TBC1D8: variants seen among roughly 807,000 people sequenced by gnomAD.
The protein encoded by TBC1D8 is TBC1 domain family member 8.
A neutral mutation model predicts 118.8 loss-of-function variants in TBC1D8; 65 were observed. The observed-to-expected ratio is 0.55, with a 90% CI of 0.45 to 0.67. The LOEUF (loss-of-function observed/expected upper bound fraction) is 0.67. Ranked by LOEUF, TBC1D8 falls within the 30% of genes least tolerant of loss-of-function variation. TBC1D8 has a pLI of 0.00. For missense variants in TBC1D8, 1,376 were observed against 1,471.2 expected, an observed-to-expected ratio of 0.94 and a Z score of 1.06; for synonymous variants, 566 against 595.8, an observed-to-expected ratio of 0.95 and a Z score of 0.73.
intron 1 of TBC1D8, among the ~76,000 whole-genome samples, chr2:101,127,035 G>A (rs1678385787): frequency 6.6e-6 from 1 of 152,204 alleles, no homozygotes; most frequent in East Asian, 1.9e-4. Flanking sequence ...AGAACAAGCT[G>A]TTAAGAAATT....
At position 101,007,364 on chromosome 2, in the gene TBC1D8, A is replaced by AAAC. The variant is rs1364552958; in HGVS notation, c.*454_*456dup. 1.3e-5 allele frequency: 2 copies of AAAC among 157,892 alleles called. No homozygotes were observed. Among genetic ancestry groups the AAAC allele is most frequent in the Non-Finnish European group, 2.8e-5 (2 of 71,900 alleles). The allele number at this position is 157,892 out of a possible 1,614,324, so 9.8% of individuals were successfully genotyped here. ...AAAATGGTTTCAATTACCAGCATTGAAACAGTGCAAAAAAAAGCCAAATAC... is the reference window on the plus strand; with the variant it reads ...AAAATGGTTTCAATTACCAGCATTGAAACAACAGTGCAAAAAAAAGCCAAATAC... On this transcript the variant is annotated 3_prime_UTR_variant, in exon 20 of 20. Coordinates refer to ENST00000409318, the MANE Select transcript of TBC1D8 (RefSeq NM_001330348.2).
At chr2:101,055,028 A>ATT (rs1682337990) in intron 3 of TBC1D8, among the ~76,000 whole-genome samples, 1 of 152,036 alleles carries the variant, frequency 6.6e-6, no homozygotes, top group Non-Finnish European at 1.5e-5. Context: ...ATGAGGGTAA[A>ATT]AGGACTGGCT....
At chr2:101,144,632 T>C (rs550754898) in intron 1 of TBC1D8, among the ~76,000 whole-genome samples, 1 of 152,280 alleles carries the variant, frequency 6.6e-6, no homozygotes, top group South Asian at 2.1e-4. Context: ...CAGATTTACT[T>C]TCATTTTAAA....
At chr2:101,063,890 A>C (rs1045724778) in intron 2 of TBC1D8, among the ~76,000 whole-genome samples, 2 of 152,208 alleles carry the variant, frequency 1.3e-5, no homozygotes, top group African/African-American at 4.8e-5. Flanking sequence ...CAAAAAAAAA[A>C]CTGAAAGCCA....
intron 2 of TBC1D8, among the ~76,000 whole-genome samples, chr2:101,088,870 C>A (rs1334204849): frequency 1.3e-5 from 2 of 152,170 alleles, no homozygotes; most frequent in Non-Finnish European, 2.9e-5. Context: ...CCATTCCCAG[C>A]CTGATTTCTT....
intron 1 of TBC1D8, among the ~76,000 whole-genome samples, chr2:101,100,373 A>T (rs997576794): frequency 6.6e-6 from 1 of 152,208 alleles, no homozygotes. Flanking sequence ...GGACACAAAC[A>T]AATGGAAAAA....
chr2:101,073,301 T>TTTTTA (rs1674589912), intron 2 of TBC1D8, among the ~76,000 whole-genome samples: 1 of 107,810 alleles, frequency 9.3e-6, no homozygotes, highest in African/African-American at 4.1e-5. Flanking sequence ...ATTTTATTTA[T>TTTTTA]TTTTTTTTTT....
intron 3 of TBC1D8, among the ~76,000 whole-genome samples, chr2:101,054,672 C>CTT (rs34465252): frequency 9.8e-4 from 25 of 25,438 alleles, no homozygotes; most frequent in Non-Finnish European, 1.2e-3. Flanking sequence ...CTTTTCTTTT[C>CTT]TTTTTTTTTT....
At chr2:101,027,890 A>C (rs1299875102) in intron 14 of TBC1D8, among the ~76,000 whole-genome samples, 158 bp downstream of exon 14, 1 of 152,258 alleles carries the variant, frequency 6.6e-6, no homozygotes, top group East Asian at 1.9e-4. Context: ...TCCAAAGCTC[A>C]CATTGTTTCT....
At position 101,054,078 on chromosome 2, in the gene TBC1D8, T is replaced by C. The variant is rs780912031; in HGVS notation, c.631+30A>G. On this transcript the variant is annotated intron_variant, in intron 4 of 19. Coordinates refer to ENST00000409318, the MANE Select transcript of TBC1D8 (RefSeq NM_001330348.2). ...CGCTGAGTCCCTGGGGCCAACTTTA[T>C]CTTGGAAGAGCCTGCCAGGCCTCAC... 4 of 1,584,072 alleles carry C rather than the reference T, an allele frequency of 2.5e-6. No individual in the cohort carries two copies. The South Asian group carries it at 3.4e-5, about 14-fold the overall frequency.
chr2:101,055,374 G>A (rs1682359180), intron 3 of TBC1D8, among the ~76,000 whole-genome samples: 1 of 150,222 alleles, frequency 6.7e-6, no homozygotes, highest in Admixed American at 6.6e-5. Flanking sequence ...GGATGACAGA[G>A]TCCTCAAAAA....
chr2:101,147,984 C>T (rs1679389064), intron 1 of TBC1D8, among the ~76,000 whole-genome samples: 1 of 152,144 alleles, frequency 6.6e-6, no homozygotes, highest in Non-Finnish European at 1.5e-5. Flanking sequence ...ATCCTGAATT[C>T]TGCCATGCTA....
At chr2:101,070,997 G>A (rs1683279507) in intron 2 of TBC1D8, among the ~76,000 whole-genome samples, 1 of 152,056 alleles carries the variant, frequency 6.6e-6, no homozygotes, top group African/African-American at 2.4e-5. Flanking sequence ...TGTAAATTCT[G>A]AATGTAATTC....
intron 1 of TBC1D8, among the ~76,000 whole-genome samples, chr2:101,132,640 G>A (rs1032813184): frequency 2.6e-5 from 4 of 152,168 alleles, no homozygotes; most frequent in Admixed American, 2.0e-4. Context: ...CCAGGCTGGA[G>A]TGCAGTGGCA....
At chr2:101,111,749 C>CT (rs971588243) in intron 1 of TBC1D8, among the ~76,000 whole-genome samples, 9 of 152,194 alleles carry the variant, frequency 5.9e-5, no homozygotes, top group Middle Eastern at 3.4e-3. Context: ...CACTCAAAAC[C>CT]TGAAAATTCT....
At chr2:101,034,440 G>A (rs1379133665) in intron 9 of TBC1D8, among the ~76,000 whole-genome samples, 4 of 152,160 alleles carry the variant, frequency 2.6e-5, no homozygotes, top group African/African-American at 4.8e-5. Context: ...CCAGCAGCAC[G>A]GCGCCCACAT....
At chr2:101,018,098 A>G (rs1278085100) in intron 17 of TBC1D8, 10 of 620,530 alleles carry the variant, frequency 1.6e-5, no homozygotes, top group Non-Finnish European at 2.5e-5. Context: ...TTTGAATCCA[A>G]TCAACACTTT....
At chr2:101,048,711 G>A (rs1057162859) in intron 5 of TBC1D8, among the ~76,000 whole-genome samples, 2 of 150,022 alleles carry the variant, frequency 1.3e-5, no homozygotes, top group Admixed American at 6.7e-5. Context: ...AGAGGACAGT[G>A]CATGGATTTC....
chr2:101,084,238 A>C (rs1252195219), intron 2 of TBC1D8, among the ~76,000 whole-genome samples: 1 of 152,154 alleles, frequency 6.6e-6, no homozygotes, highest in Non-Finnish European at 1.5e-5. Context: ...TTTGGCAATA[A>C]ACACAAAATG....
Sources: allele counts gnomAD v4.1 joint callset (sites outside exome capture counted in the v4.1 genomes callset), GRCh38; gene constraint gnomAD v4.1.1; transcripts MANE v1.5; gene names NCBI Gene and HGNC (gene_info 2026-07-23, HGNC 2026-07-21).